Variants in COL11A1 observed in about 807,000 individuals in gnomAD.
COL11A1 encodes the protein collagen alpha-1(XI) chain.
Under a neutral mutation model 265.2 loss-of-function variants are expected in COL11A1, and 74 were observed. The ratio of observed to expected loss-of-function variants is 0.28; its 90% CI spans 0.23 to 0.34. The LOEUF is 0.34. COL11A1 is among the 10% of genes least tolerant of loss of function. The pLI is 1.00. For missense variants in COL11A1, 2,165 were observed against 2,263.6 expected (o/e 0.96, Z 0.88); for synonymous variants, 816 against 727.6 (o/e 1.12, Z -1.96).
At chr1:102,898,494 ATATACT>A (rs1328655149) in intron 56 of COL11A1, among the ~76,000 whole-genome samples, 166 bp downstream of exon 56, 1 of 152,046 alleles carries the variant, frequency 6.6e-6, no homozygotes, top group Non-Finnish European at 1.5e-5. Context: ...TAAATAAATG[ATATACT>A]TAAATATATG....
intron 28 of COL11A1, among the ~76,000 whole-genome samples, chr1:102,995,567 G>A (rs905348566): frequency 9.9e-5 from 15 of 150,890 alleles, no homozygotes; most frequent in African/African-American, 2.4e-4. Flanking sequence ...AAATCCATTC[G>A]TAAGGCCAAC....
chr1:102,991,440 C>CACGTGATCT (rs143424888), intron 28 of COL11A1, among the ~76,000 whole-genome samples: 60,291 of 151,026 alleles, frequency 0.4, 14,602 homozygotes, highest in East Asian at 0.78. Flanking sequence ...CTCCCTTCAC[C>CACGTGATCT]ACGTGATCTA....
At chr1:102,976,698 A>G (rs756757369) in intron 35 of COL11A1, among the ~76,000 whole-genome samples, 2 of 152,170 alleles carry the variant, frequency 1.3e-5, no homozygotes, top group Non-Finnish European at 2.9e-5. Flanking sequence ...AGATGACTAG[A>G]TAAAATATCC....
At chr1:102,905,749 G>A (rs1157754064) in intron 54 of COL11A1, among the ~76,000 whole-genome samples, 1 of 151,778 alleles carries the variant, frequency 6.6e-6, no homozygotes, top group African/African-American at 2.4e-5. Context: ...TTGTACCAAG[G>A]GATAACCAAT....
intron 1 of COL11A1, among the ~76,000 whole-genome samples, chr1:103,095,335 T>C (rs1238963446): frequency 2.0e-5 from 3 of 152,030 alleles, no homozygotes; most frequent in Admixed American, 2.0e-4. Context: ...CATCATTTTC[T>C]ATATGAAAAA....
chr1:102,942,158 G>A (rs1271541818), intron 42 of COL11A1, among the ~76,000 whole-genome samples: 1 of 152,152 alleles, frequency 6.6e-6, no homozygotes, highest in Non-Finnish European at 1.5e-5. Flanking sequence ...AGGATGTGCT[G>A]TGCTATTCAC....
chr1:103,037,751 C>T (rs576378842), intron 4 of COL11A1, among the ~76,000 whole-genome samples: 1 of 152,166 alleles, frequency 6.6e-6, no homozygotes, highest in Non-Finnish European at 1.5e-5. Context: ...CTGAATCTCA[C>T]AAGATCTAAA....
At chr1:103,006,779 C>T (rs890902842) in intron 15 of COL11A1, among the ~76,000 whole-genome samples, 2 of 152,004 alleles carry the variant, frequency 1.3e-5, no homozygotes, top group Non-Finnish European at 2.9e-5. Context: ...CCACCCATCT[C>T]GGCCTCCCAA....
At chr1:102,992,598 A>G (rs541649943) in intron 28 of COL11A1, among the ~76,000 whole-genome samples, 151 of 152,186 alleles carry the variant, frequency 9.9e-4, no homozygotes, top group African/African-American at 3.3e-3. Flanking sequence ...GAGTTTGAAA[A>G]TATGGAGAAT....
At chr1:102,930,131 G>C (rs1657215125) in intron 46 of COL11A1, among the ~76,000 whole-genome samples, 1 of 152,110 alleles carries the variant, frequency 6.6e-6, no homozygotes, top group African/African-American at 2.4e-5. Context: ...ACACTATGTT[G>C]AATAGGAGTG....
intron 4 of COL11A1, among the ~76,000 whole-genome samples, chr1:103,061,357 G>C (rs930131027): frequency 8.5e-5 from 13 of 152,140 alleles, no homozygotes; most frequent in African/African-American, 2.6e-4. Context: ...GCAGAAATTA[G>C]TAAGGACAAA....
At chr1:102,925,970 A>G (rs1326149864) in intron 46 of COL11A1, among the ~76,000 whole-genome samples, 2 of 152,098 alleles carry the variant, frequency 1.3e-5, no homozygotes, top group Admixed American at 6.5e-5. Context: ...AGGTATGTCA[A>G]TATTAATTCA....
chr1:103,095,089 A>G (rs1346478303), intron 1 of COL11A1, among the ~76,000 whole-genome samples: 8 of 152,110 alleles, frequency 5.3e-5, no homozygotes, highest in Non-Finnish European at 1.0e-4. Flanking sequence ...TGTCCATCAA[A>G]TAAGAAAAAA....
At chr1:103,107,120 A>G (rs988734485) in intron 1 of COL11A1, among the ~76,000 whole-genome samples, 3 of 152,090 alleles carry the variant, frequency 2.0e-5, no homozygotes, top group Non-Finnish European at 4.4e-5. Context: ...GGGCGGGGGA[A>G]AGAGGGAGGG....
intron 4 of COL11A1, among the ~76,000 whole-genome samples, chr1:103,061,550 C>T (rs954582512): frequency 3.9e-5 from 6 of 152,008 alleles, no homozygotes; most frequent in Non-Finnish European, 5.9e-5. Flanking sequence ...AATAACTGCT[C>T]TCAAACCGTA....
chr1:102,948,932 A>G (rs964830498), intron 41 of COL11A1, among the ~76,000 whole-genome samples: 9 of 152,018 alleles, frequency 5.9e-5, no homozygotes, highest in African/African-American at 1.9e-4. Flanking sequence ...AAGAACACAA[A>G]TATTTGCCTC....
chr1:102,931,643 A>C (rs1303050123), intron 46 of COL11A1, among the ~76,000 whole-genome samples: 1 of 151,736 alleles, frequency 6.6e-6, no homozygotes, highest in African/African-American at 2.4e-5. Flanking sequence ...ATTCCTGGGT[A>C]TCCTTGTTGA....
rs534268589 is a variant in COL11A1, at chr1:103,102,221, G to A, written c.106+5852C>T. ...CATTAGATGCATTCTAAAACAGAAA[G>A]TATTTTAAAATGGAAAAAAAATACC... On this transcript the variant is annotated intron_variant, in intron 1 of 66. Coordinates refer to ENST00000370096, the MANE Select transcript of COL11A1 (RefSeq NM_001854.4). 7.9e-5 allele frequency among the ~76,000 whole-genome samples: 12 copies of A among 151,906 alleles called. No individual in the cohort carries two copies. In the East Asian group the frequency reaches 2.3e-3, roughly 29 times the overall value.
chr1:102,927,945 A>C (rs1018458092), intron 46 of COL11A1, among the ~76,000 whole-genome samples: 5 of 152,072 alleles, frequency 3.3e-5, no homozygotes, highest in African/African-American at 7.2e-5. Flanking sequence ...CTTGAAAGTA[A>C]AGAGTCATAG....
Sources: gnomAD v4.1 joint callset for allele counts (sites outside exome capture counted in the v4.1 genomes callset) on GRCh38, gnomAD v4.1.1 for gene constraint, MANE v1.5 for transcripts, NCBI Gene and HGNC (gene_info 2026-07-23, HGNC 2026-07-21) for gene names.